The following GRAMD1B variants were observed in gnomAD, a reference collection of about 807,000 sequenced individuals.
The protein encoded by GRAMD1B is GRAM domain containing 1B, also known as protein Aster-B.
GRAMD1B carries 37 observed loss-of-function variants against 99.7 expected under a neutral mutation model. That is an observed-to-expected ratio of 0.37 (90% CI 0.29 to 0.49). The LOEUF (loss-of-function observed/expected upper bound fraction) is 0.49. Ranked by LOEUF, GRAMD1B falls within the 20% of genes least tolerant of loss-of-function variation. GRAMD1B has a pLI of 0.98. For synonymous variants in GRAMD1B, 427 were observed against 387.6 expected (o/e 1.10, Z -1.19); for missense variants, 888 against 1,009.2 (o/e 0.88, Z 1.63).
At chr11:123,506,400 T>TC (rs1940430818) in intron 2 of GRAMD1B, among the ~76,000 whole-genome samples, 1 of 152,064 alleles carries the variant, frequency 6.6e-6, no homozygotes, top group African/African-American at 2.4e-5. Flanking sequence ...GTTTTTTGTT[T>TC]TTTTTTTTCT....
intron 1 of GRAMD1B, among the ~76,000 whole-genome samples, chr11:123,378,693 G>T (rs1195446930): frequency 6.6e-6 from 1 of 152,200 alleles, no homozygotes; most frequent in African/African-American, 2.4e-5. Context: ...TGTTACAAGG[G>T]TTGAGTGTTA....
intron 1 of GRAMD1B, among the ~76,000 whole-genome samples, chr11:123,418,523 T>TA (rs1948312624): frequency 6.6e-6 from 1 of 152,120 alleles, no homozygotes; most frequent in Non-Finnish European, 1.5e-5. Flanking sequence ...CACCTTTACC[T>TA]AAAAAACCTG....
At chr11:123,367,883 G>T (rs1946374569) in intron 1 of GRAMD1B, among the ~76,000 whole-genome samples, 1 of 152,082 alleles carries the variant, frequency 6.6e-6, no homozygotes, top group Admixed American at 6.6e-5. Context: ...AGATTGTAAA[G>T]TATCATCCAG....
In GRAMD1B at chr11:123,492,074, C is replaced by T. The variant is rs747967181; in HGVS notation, c.452+11181C>T. 1.1e-4 allele frequency: 44 copies of T among 394,816 alleles called. No individual in the cohort carries two copies. Among genetic ancestry groups the T allele is most frequent in the Non-Finnish European group, 1.9e-4 (43 of 224,030 alleles). 24.5% of individuals were successfully genotyped at this position (394,816 alleles called of 1,614,324 possible). On this transcript the variant is annotated intron_variant, in intron 2 of 19. Transcript: ENST00000635736. This position sits in a 1 kb window ranked among gnomAD's most constrained non-coding sequence, Gnocchi z 4.2. ...ACACTCGGTGATCCATTGCAAGAGGCTGAAGGGAAAGGCCAAGGGGTATGG... is the reference window on the plus strand; with the variant it reads ...ACACTCGGTGATCCATTGCAAGAGGTTGAAGGGAAAGGCCAAGGGGTATGG...
intron 1 of GRAMD1B, among the ~76,000 whole-genome samples, chr11:123,477,602 C>G (rs1029945350): frequency 6.8e-6 from 1 of 146,288 alleles, no homozygotes; most frequent in Admixed American, 6.8e-5. Context: ...CCCTCCCTCC[C>G]GTCTCCCTTC....
intron 2 of GRAMD1B, among the ~76,000 whole-genome samples, chr11:123,560,070 C>CT (rs925324578): frequency 6.6e-6 from 1 of 150,770 alleles, no homozygotes. Context: ...AAATAACCCC[C>CT]CCCCCCGCAG....
intron 1 of GRAMD1B, among the ~76,000 whole-genome samples, chr11:123,457,392 C>T (rs962573479): frequency 3.9e-5 from 6 of 152,312 alleles, no homozygotes; most frequent in South Asian, 2.1e-4. Context: ...AGCCTACCCT[C>T]GTGGTTTAGT....
chr11:123,579,745 AG>A (rs1378723017), intron 3 of GRAMD1B, among the ~76,000 whole-genome samples: 1 of 152,146 alleles, frequency 6.6e-6, no homozygotes, highest in East Asian at 1.9e-4. Flanking sequence ...GTACACCCTA[AG>A]CCTGGCTCTT....
chr11:123,469,414 C>G (rs1183642169), intron 1 of GRAMD1B, among the ~76,000 whole-genome samples: 1 of 152,128 alleles, frequency 6.6e-6, no homozygotes, highest in Admixed American at 6.5e-5. Context: ...AGCTTGGTTT[C>G]AGACAGAGGC....
At chr11:123,397,292 C>T (rs1261107414) in intron 1 of GRAMD1B, among the ~76,000 whole-genome samples, 1 of 152,080 alleles carries the variant, frequency 6.6e-6, no homozygotes, top group African/African-American at 2.4e-5. Context: ...CCTGTAATCC[C>T]AGCTACTCGG....
At chr11:123,537,840 G>A (rs1420736907) in intron 2 of GRAMD1B, among the ~76,000 whole-genome samples, 2 of 152,162 alleles carry the variant, frequency 1.3e-5, no homozygotes, top group Non-Finnish European at 2.9e-5. Flanking sequence ...TAAGTACTTA[G>A]TGCTGTTAAA....
At chr11:123,369,758 G>A (rs1457201148) in intron 1 of GRAMD1B, among the ~76,000 whole-genome samples, 1 of 151,762 alleles carries the variant, frequency 6.6e-6, no homozygotes, top group East Asian at 1.9e-4. Context: ...AGTGTTCCCA[G>A]CTACTCAGGA....
At chr11:123,387,025 C>A (rs979158471) in intron 1 of GRAMD1B, among the ~76,000 whole-genome samples, 2 of 152,110 alleles carry the variant, frequency 1.3e-5, no homozygotes, top group Non-Finnish European at 2.9e-5. Flanking sequence ...TTGCTGGGTG[C>A]CTGTTAGACC....
chr11:123,534,614 G>A (rs1943759308), intron 2 of GRAMD1B, among the ~76,000 whole-genome samples: 1 of 152,154 alleles, frequency 6.6e-6, no homozygotes, highest in African/African-American at 2.4e-5. Context: ...TGTAATCCCA[G>A]CACTTTGGGA....
intron 1 of GRAMD1B, among the ~76,000 whole-genome samples, chr11:123,371,369 G>T (rs1946523605): frequency 2.0e-5 from 3 of 152,226 alleles, no homozygotes; most frequent in East Asian, 3.9e-4. Context: ...GTTTTGAAAA[G>T]CTTCTAAAAC....
intron 7 of GRAMD1B, chr11:123,598,205 G>C: frequency 1.4e-6 from 2 of 1,426,802 alleles, no homozygotes; most frequent in Non-Finnish European, 2.0e-6. Flanking sequence ...TTGGGTCCTC[G>C]GTAGGTGTAG....
intron 1 of GRAMD1B, among the ~76,000 whole-genome samples, chr11:123,433,778 T>C (rs1949024087): frequency 6.6e-6 from 1 of 151,842 alleles, no homozygotes; most frequent in South Asian, 2.1e-4. Flanking sequence ...GTAGATTTGG[T>C]TAGATTTAGG....
intron 1 of GRAMD1B, chr11:123,381,321 G>A (rs536277114): frequency 5.4e-4 from 83 of 154,324 alleles, no homozygotes; most frequent in African/African-American, 1.7e-3. Flanking sequence ...GAAATCTGGT[G>A]TGTTTCCCAG....
At chr11:123,405,197 T>C (rs1053095942) in intron 1 of GRAMD1B, among the ~76,000 whole-genome samples, 43 of 127,652 alleles carry the variant, frequency 3.4e-4, no homozygotes, top group African/African-American at 1.6e-3. Context: ...TGTGCATGTG[T>C]GTGTGTGTGT....
Sources: gnomAD v4.1 joint callset for allele counts (sites outside exome capture counted in the v4.1 genomes callset) on GRCh38, gnomAD v4.1.1 for gene constraint, Gnocchi (gnomAD v3.1) non-coding constraint, MANE v1.5 for transcripts, NCBI Gene and HGNC (gene_info 2026-07-23, HGNC 2026-07-21) for gene names.